The following CACHD1 variants were observed in gnomAD, a reference collection of about 807,000 sequenced individuals.
The protein encoded by CACHD1 is cache domain containing 1, also known as VWFA and cache domain-containing protein 1.
Under a neutral mutation model 138.7 loss-of-function variants are expected in CACHD1, and 71 were observed. That is an observed-to-expected ratio of 0.51 (90% CI 0.42 to 0.62). The LOEUF is 0.62. Among genes scored for constraint, CACHD1 ranks in the 20% least tolerant of loss-of-function variants. The pLI, the probability that CACHD1 is intolerant of heterozygous loss-of-function variation, is 0.00. For synonymous variants in CACHD1, 578 were observed against 591.5 expected (o/e 0.98, Z 0.33); for missense variants, 1,389 against 1,625.3 (o/e 0.85, Z 2.50).
intron 24 of CACHD1, among the ~76,000 whole-genome samples, chr1:64,680,189 C>G (rs1428644953): frequency 6.6e-6 from 1 of 152,174 alleles, no homozygotes; most frequent in East Asian, 1.9e-4. Flanking sequence ...AATCACATCT[C>G]TTAAAACAGG....
At position 64,618,512 on chromosome 1, in the gene CACHD1, C is replaced by G. The variant is rs116328374; in HGVS notation, c.518-10843C>G. Among the ~76,000 whole-genome samples the G allele has an allele frequency of 4.7e-3, 715 of 152,278 alleles. 5 individuals carry two copies. Among genetic ancestry groups the G allele is most frequent in the African/African-American group, 0.016 (675 of 41,554 alleles). On this transcript the variant is annotated intron_variant, in intron 4 of 26. Transcript: ENST00000651257. Reference sequence around the variant, plus strand: ...ATGTAGATAAAAGCCTTACCTGGTACATGGTCAAGTGTTCAATATGCTTAC... The same window carrying G: ...ATGTAGATAAAAGCCTTACCTGGTAGATGGTCAAGTGTTCAATATGCTTAC...
chr1:64,504,037 T>C (rs1461086560), intron 1 of CACHD1, among the ~76,000 whole-genome samples: 1 of 152,178 alleles, frequency 6.6e-6, no homozygotes, highest in Non-Finnish European at 1.5e-5. Flanking sequence ...GAAAATATTT[T>C]TATTTTTTTG....
chr1:64,654,650 T>G (rs1317551883), intron 11 of CACHD1, 36 bp from the exon 12 acceptor site: 1 of 1,499,330 alleles, frequency 6.7e-7, no homozygotes, highest in Non-Finnish European at 9.3e-7. Flanking sequence ...AATTTTATCT[T>G]TTGCCTGAAA....
chr1:64,685,582 T>G (rs1377171654), intron 26 of CACHD1, among the ~76,000 whole-genome samples: 3 of 152,026 alleles, frequency 2.0e-5, no homozygotes, highest in Non-Finnish European at 4.4e-5. Context: ...GTTGAGACCT[T>G]AGTGAGCTAC....
intron 1 of CACHD1, among the ~76,000 whole-genome samples, chr1:64,503,607 G>A (rs1394531976): frequency 6.6e-6 from 1 of 152,206 alleles, no homozygotes; most frequent in Non-Finnish European, 1.5e-5. Flanking sequence ...AGTTTTGTTA[G>A]AAGGATGAAA....
At position 64,505,343 on chromosome 1, in the gene CACHD1, T is replaced by C. The variant is rs1225942533; in HGVS notation, c.198+34401T>C. Among the ~76,000 whole-genome samples, 4 of 151,830 alleles carry C rather than the reference T, an allele frequency of 2.6e-5. No individual in the cohort carries two copies. The South Asian group carries it at 8.3e-4, about 31-fold the overall frequency. ...TACTGTCAGGGTGGCTGTCTCCTTA[T>C]TGCTCGTCTTGCAACTGTCACTATG... On this transcript the variant is annotated intron_variant, in intron 1 of 26. Coordinates refer to ENST00000651257, the MANE Select transcript of CACHD1 (RefSeq NM_020925.4).
At chr1:64,690,088 A>G (rs1298296678) in intron 26 of CACHD1, among the ~76,000 whole-genome samples, 1 of 152,180 alleles carries the variant, frequency 6.6e-6, no homozygotes, top group Non-Finnish European at 1.5e-5. Context: ...TATTTGTTTC[A>G]TTTCTCAAAC....
chr1:64,592,104 A>G (rs1043339076), intron 3 of CACHD1, among the ~76,000 whole-genome samples: 1 of 152,196 alleles, frequency 6.6e-6, no homozygotes, highest in African/African-American at 2.4e-5. Context: ...TTGCCTATTC[A>G]TGATAGTCAT....
intron 26 of CACHD1, among the ~76,000 whole-genome samples, chr1:64,690,122 A>G (rs1650499604): frequency 6.6e-6 from 1 of 152,248 alleles, no homozygotes; most frequent in East Asian, 1.9e-4. Context: ...CTCCCTATGC[A>G]GGGACCAGGC....
At chr1:64,613,635 A>C (rs1647607351) in intron 4 of CACHD1, 1 of 151,986 alleles carries the variant, frequency 6.6e-6, no homozygotes, top group Admixed American at 6.6e-5. Flanking sequence ...CTCTTTTTTG[A>C]AACTCTCTTA....
chr1:64,470,211 G>T lies in CACHD1; in HGVS notation c.-534G>T, dbSNP rs1416701061. On this transcript the variant is annotated 5_prime_UTR_variant, in exon 1 of 27. Transcript: ENST00000651257. The surrounding 1 kb of genome is among the most constrained non-coding windows in gnomAD (Gnocchi z 5.2). ...CCCACCGCTTGCTTTCTTTCTTTCA[G>T]TTGTGTGGGTTTGTGAAGCCTCCCC... 6.6e-6 allele frequency among the ~76,000 whole-genome samples: 1 copy of T among 152,028 alleles called. No individual in the cohort carries two copies. The highest frequency in any genetic ancestry group is 2.4e-5 in the African/African-American group (1 of 41,414).
intron 16 of CACHD1, among the ~76,000 whole-genome samples, chr1:64,666,848 C>CAA (rs946649209): frequency 0.018 from 595 of 32,978 alleles, 19 homozygotes; most frequent in African/African-American, 0.056. Context: ...GATCCTGTCT[C>CAA]AAAAAAAAAA....
chr1:64,546,477 G>T (rs969869984), intron 1 of CACHD1, among the ~76,000 whole-genome samples: 1 of 151,826 alleles, frequency 6.6e-6, no homozygotes, highest in South Asian at 2.1e-4. Context: ...TGAACTACCC[G>T]TGGGTGCCGT....
intron 3 of CACHD1, among the ~76,000 whole-genome samples, chr1:64,587,787 C>T (rs570556232): frequency 6.6e-6 from 1 of 152,270 alleles, no homozygotes; most frequent in East Asian, 1.9e-4. Context: ...ACAGGAGATC[C>T]TGGGCTCTCC....
chr1:64,596,080 T>C (rs1263003601), intron 3 of CACHD1, among the ~76,000 whole-genome samples: 1 of 152,204 alleles, frequency 6.6e-6, no homozygotes, highest in Non-Finnish European at 1.5e-5. Flanking sequence ...GCCCATCTAT[T>C]TAGGTGTTTG....
intron 3 of CACHD1, among the ~76,000 whole-genome samples, chr1:64,584,754 C>G (rs1438941986): frequency 6.6e-6 from 1 of 152,038 alleles, no homozygotes; most frequent in African/African-American, 2.4e-5. Context: ...AATTTTTATA[C>G]TATTTGTTGG....
intron 4 of CACHD1, among the ~76,000 whole-genome samples, chr1:64,620,660 A>G (rs935277106): frequency 5.3e-5 from 8 of 152,204 alleles, no homozygotes; most frequent in Non-Finnish European, 8.8e-5. Flanking sequence ...ATGATTTCCA[A>G]ATCATGGAAG....
At chr1:64,545,098 G>T (rs1294588782) in intron 1 of CACHD1, among the ~76,000 whole-genome samples, 1 of 152,140 alleles carries the variant, frequency 6.6e-6, no homozygotes, top group Non-Finnish European at 1.5e-5. Flanking sequence ...AGTTACTAGA[G>T]TCTTGCCCTT....
intron 7 of CACHD1, among the ~76,000 whole-genome samples, chr1:64,638,448 A>G (rs574171390): frequency 2.0e-5 from 3 of 152,334 alleles, no homozygotes; most frequent in South Asian, 2.1e-4. Flanking sequence ...TTTGCCTTAT[A>G]TCAACCAGAA....
Sources: allele counts gnomAD v4.1 joint callset (sites outside exome capture counted in the v4.1 genomes callset), GRCh38; gene constraint gnomAD v4.1.1; non-coding constraint Gnocchi (gnomAD v3.1); transcripts MANE v1.5; gene names NCBI Gene and HGNC (gene_info 2026-07-23, HGNC 2026-07-21).